Variants in PTPRC observed in about 807,000 individuals in gnomAD.
PTPRC encodes the protein receptor-type tyrosine-protein phosphatase C.
A neutral mutation model predicts 155.9 loss-of-function variants in PTPRC; 44 were observed. The ratio of observed to expected loss-of-function variants is 0.28; its 90% CI spans 0.22 to 0.36. PTPRC has a LOEUF of 0.36. PTPRC is among the 10% of genes least tolerant of loss of function. The pLI, the probability that PTPRC is intolerant of heterozygous loss-of-function variation, is 1.00. For missense variants in PTPRC, 1,401 were observed against 1,564.6 expected, an observed-to-expected ratio of 0.90 and a Z score of 1.76; for synonymous variants, 525 against 533.1, an observed-to-expected ratio of 0.98 and a Z score of 0.21.
At chr1:198,657,361 A>T (rs545528276) in intron 2 of PTPRC, among the ~76,000 whole-genome samples, 29 of 152,144 alleles carry the variant, frequency 1.9e-4, no homozygotes, top group Admixed American at 1.8e-3. Context: ...GTAAGCCACC[A>T]CTATTTTCTG....
intron 2 of PTPRC, among the ~76,000 whole-genome samples, chr1:198,688,625 T>C (rs1184047560): frequency 4.6e-5 from 7 of 152,198 alleles, no homozygotes; most frequent in African/African-American, 1.4e-4. Flanking sequence ...ACTCAGCACA[T>C]TGTGATTTAA....
chr1:198,694,571 C>T lies in PTPRC; in HGVS notation c.101-2141C>T, dbSNP rs985313773. 4 of 987,562 alleles carry T rather than the reference C, an allele frequency of 4.1e-6. No homozygotes were observed. In the East Asian group the frequency reaches 3.4e-4, roughly 83 times the overall value. The allele number at this position is 987,562 out of a possible 1,614,324, so 61.2% of individuals were successfully genotyped here. ...GGACGATAAAGGGAACTTGTTGAAA[C>T]ATTTCTCTCAAAGCAAAAGGGATCA... On this transcript the variant is annotated intron_variant, in intron 3 of 32. Coordinates refer to ENST00000442510, the MANE Select transcript of PTPRC (RefSeq NM_002838.5).
At chr1:198,663,204 C>T (rs1664083490) in intron 2 of PTPRC, among the ~76,000 whole-genome samples, 1 of 152,200 alleles carries the variant, frequency 6.6e-6, no homozygotes, top group Admixed American at 6.5e-5. Context: ...TAGACCTGAA[C>T]CCTGCTGAGT....
intron 2 of PTPRC, among the ~76,000 whole-genome samples, chr1:198,660,876 C>T (rs1663925092): frequency 6.6e-6 from 1 of 152,142 alleles, no homozygotes; most frequent in Admixed American, 6.5e-5. Flanking sequence ...CTCCTAACCA[C>T]ATGCTTAGCT....
In PTPRC at chr1:198,716,858, A is replaced by G. The variant is rs1460462633; in HGVS notation, c.1450+18A>G. The G allele has an allele frequency of 1.2e-6, 2 of 1,611,302 alleles. No homozygotes were observed. The highest frequency in any genetic ancestry group is 1.7e-6 in the Non-Finnish European group (2 of 1,178,448). On this transcript the variant is annotated intron_variant, in intron 13 of 32. Coordinates refer to ENST00000442510, the MANE Select transcript of PTPRC (RefSeq NM_002838.5). The stretch of plus-strand genomic sequence containing the variant: ...AAGTGCTCGTAAGTTATATGTTTTA[A>G]TGCTTCTTTCCATAAATGGTAAAAA...
At chr1:198,736,653 G>A (rs575640382) in intron 23 of PTPRC, among the ~76,000 whole-genome samples, 11 of 151,818 alleles carry the variant, frequency 7.2e-5, no homozygotes, top group African/African-American at 2.6e-4. Flanking sequence ...AAACGTGGGA[G>A]TGCAGATTAT....
At position 198,734,406 on chromosome 1, in the gene PTPRC, G is replaced by C. The variant is rs1558030034; in HGVS notation, c.2258G>C (p.Arg753Pro). ...QKATVIVMVT[R>P]CEEGNRNKCA... ...GCCACAGTTATTGTCATGGTCACTC[G>C]ATGTGAAGAAGGAAACAGGGTAAGA... The change falls in exon 22 of 33, where the codon CGA (arginine) becomes CCA (proline). Residue 753 changes from arginine (R) to proline (P), a missense_variant. Around this residue, in one of 3 missense-constraint regions of PTPRC, gnomAD observed 867 missense variants for 970.4 expected, o/e 0.89. Coordinates refer to ENST00000442510, the MANE Select transcript of PTPRC (RefSeq NM_002838.5). 2 of 1,610,874 alleles carry C rather than the reference G, an allele frequency of 1.2e-6. No individual in the cohort carries two copies. Among genetic ancestry groups the C allele is most frequent in the Non-Finnish European group, 8.5e-7 (1 of 1,177,724 alleles).
intron 2 of PTPRC, among the ~76,000 whole-genome samples, chr1:198,643,343 TA>T (rs1429489108): frequency 6.6e-6 from 1 of 151,644 alleles, no homozygotes; most frequent in Non-Finnish European, 1.5e-5. Flanking sequence ...AATCATAGAT[TA>T]AAAAAATAAA....
chr1:198,728,284 C>T, intron 15 of PTPRC, 56 bp from the exon 16 acceptor site: 1 of 1,375,630 alleles, frequency 7.3e-7, no homozygotes, highest in South Asian at 1.2e-5. Context: ...ATTATTCAAC[C>T]AGTCTAGCAA....
intron 2 of PTPRC, among the ~76,000 whole-genome samples, chr1:198,668,895 A>G (rs954470232): frequency 4.6e-5 from 7 of 152,210 alleles, no homozygotes; most frequent in Non-Finnish European, 1.0e-4. Flanking sequence ...CCATCTATCC[A>G]TGGAAGCAGC....
chr1:198,706,597 T>C (rs551583972), intron 8 of PTPRC, 137 bp from the exon 9 acceptor site: 12 of 863,260 alleles, frequency 1.4e-5, no homozygotes, highest in Admixed American at 2.7e-5. Flanking sequence ...AAAAATGATA[T>C]GGAGGCACCT....
At position 198,757,476 on chromosome 1, in the gene PTPRC, A is replaced by G. The variant is rs1332144154; in HGVS notation, c.*1295A>G. The G allele has an allele frequency of 3.3e-5, 5 of 151,672 alleles. No homozygotes were observed. The allele number at this position is 151,672 out of a possible 1,614,324, so 9.4% of individuals were successfully genotyped here. A position where few individuals can be genotyped will look rare whatever the true frequency, so the allele number is the denominator to read the frequency against. On this transcript the variant is annotated 3_prime_UTR_variant, in exon 33 of 33. Transcript: ENST00000442510. ...AAGTAATAAAAACTCGTTTTGGTGA[A>G]TTCTGTAATAGCTTATCATGAAGGT...
chr1:198,695,159 G>T, intron 3 of PTPRC: 1 of 886,854 alleles, frequency 1.1e-6, no homozygotes, highest in Non-Finnish European at 1.3e-6. Context: ...AATAAAGCTG[G>T]GTTTTTTATT....
chr1:198,703,892 T>C (rs1666596210), intron 7 of PTPRC: 2 of 174,882 alleles, frequency 1.1e-5, no homozygotes, highest in Non-Finnish European at 2.5e-5. Flanking sequence ...AGAGATCTCT[T>C]AGCTTACACA....
chr1:198,709,930 C>T (rs1653206535), intron 11 of PTPRC, 106 bp downstream of exon 11: 2 of 1,438,212 alleles, frequency 1.4e-6, no homozygotes, highest in Non-Finnish European at 1.9e-6. Flanking sequence ...GTTTTTGATA[C>T]TTTTTAAGCA....
intron 32 of PTPRC, among the ~76,000 whole-genome samples, chr1:198,754,669 C>A (rs1655546195): frequency 1.3e-5 from 2 of 152,170 alleles, no homozygotes; most frequent in South Asian, 4.1e-4. Context: ...CCTAAATGCT[C>A]ATGAATTTCT....
At chr1:198,695,047 A>G in intron 3 of PTPRC, 1 of 931,140 alleles carries the variant, frequency 1.1e-6, no homozygotes, top group Non-Finnish European at 1.3e-6. Context: ...GCATTTCTGT[A>G]ATCACAGAAT....
intron 2 of PTPRC, among the ~76,000 whole-genome samples, chr1:198,644,221 C>G (rs1662805810): frequency 6.6e-6 from 1 of 151,752 alleles, no homozygotes; most frequent in African/African-American, 2.4e-5. Flanking sequence ...AAATTAATTT[C>G]TGTCTAGTCT....
intron 2 of PTPRC, among the ~76,000 whole-genome samples, chr1:198,640,084 G>A (rs913532485): frequency 6.6e-6 from 1 of 151,926 alleles, no homozygotes; most frequent in South Asian, 2.1e-4. Flanking sequence ...GTATTCAGTA[G>A]GAAAATGCAA....
Sources: allele counts gnomAD v4.1 joint callset (sites outside exome capture counted in the v4.1 genomes callset), GRCh38; gene constraint gnomAD v4.1.1; regional missense constraint gnomAD v4.1.1; transcripts MANE v1.5; gene names NCBI Gene and HGNC (gene_info 2026-07-23, HGNC 2026-07-21).